The following ZIK1 variants were observed in gnomAD, a reference collection of about 807,000 sequenced individuals.
The protein encoded by ZIK1 is zinc finger protein interacting with K protein 1, also known as zinc finger protein interacting with ribonucleoprotein K.
ZIK1 carries 12 observed loss-of-function variants against 10.7 expected under a neutral mutation model. The ratio of observed to expected loss-of-function variants is 1.12; its 90% confidence interval spans 0.72 to 1.81. The LOEUF (loss-of-function observed/expected upper bound fraction) is 1.81, where lower values mean the gene tolerates loss of function less well. ZIK1 is among the 40% of genes most tolerant of loss of function. The pLI is 0.00. For synonymous variants in ZIK1, 190 were observed against 205.0 expected (o/e 0.93, Z 0.63); for missense variants, 497 against 585.7 (o/e 0.85, Z 1.56).
intron 1 of ZIK1, 52 bp from the exon 2 acceptor site, chr19:57,584,900 C>T: frequency 6.3e-7 from 1 of 1,593,512 alleles, no homozygotes; most frequent in African/African-American, 1.3e-5. Flanking sequence ...AAGCCTGAAT[C>T]CGTAGAGCCC....
chr19:57,591,887 T>G lies in ZIK1; in HGVS notation c.*612T>G, dbSNP rs908188051. ...GGGTGGCTGGGAGACAGACTTCAACTCTATATGAAGGAATGGATGGCTTTT... is the reference window on the plus strand; with the variant it reads ...GGGTGGCTGGGAGACAGACTTCAACGCTATATGAAGGAATGGATGGCTTTT... On this transcript the variant is annotated 3_prime_UTR_variant, in exon 4 of 4. Coordinates refer to ENST00000597850, the MANE Select transcript of ZIK1 (RefSeq NM_001010879.4). The G allele has an allele frequency of 5.9e-5, 9 of 152,370 alleles. No individual in the cohort carries two copies. The highest frequency in any genetic ancestry group is 4.4e-5 in the Non-Finnish European group (3 of 68,204). 9.4% of individuals were successfully genotyped at this position (152,370 alleles called of 1,614,324 possible).
intron 3 of ZIK1, 148 bp from the exon 4 acceptor site, chr19:57,589,863 A>G: frequency 8.9e-7 from 1 of 1,122,772 alleles, no homozygotes; most frequent in South Asian, 1.7e-5. Flanking sequence ...GAGATCCAGT[A>G]TTGCAAAGCA....
Position 57,584,241 on chromosome 19 carries a change from T to G in ZIK1, c.-116T>G. The G allele has an allele frequency of 6.9e-7, 1 of 1,451,486 alleles. No homozygotes were observed. The highest frequency in any genetic ancestry group is 9.1e-7 in the Non-Finnish European group (1 of 1,097,010). The allele number at this position is 1,451,486 out of a possible 1,614,324, so 89.9% of individuals were successfully genotyped here. ...CAGTCGGAAGGCGCGAGGGGAGGGG[T>G]CCTCCCGCTGAACAGTGGGGGTTCT... On this transcript the variant is annotated 5_prime_UTR_variant, in exon 1 of 4. Transcript: ENST00000597850.
rs1425103350 is a variant in ZIK1 at position 57,592,544 on chromosome 19, C to A, written c.*1269C>A. ...GGCAGAAAAAGGAGGATAAAGATAA[C>A]AGAAGTCCTATAGGCCAGGGATGTA... On this transcript the variant is annotated 3_prime_UTR_variant, in exon 4 of 4. Coordinates refer to ENST00000597850, the MANE Select transcript of ZIK1 (RefSeq NM_001010879.4). 1.3e-5 allele frequency: 2 copies of A among 152,202 alleles called. No homozygotes were observed. The highest frequency in any genetic ancestry group is 2.9e-5 in the Non-Finnish European group (2 of 68,042). 9.4% of individuals were successfully genotyped at this position (152,202 alleles called of 1,614,324 possible). A position where few individuals can be genotyped will look rare whatever the true frequency, so the allele number is the denominator to read the frequency against.
chr19:57,585,802 G>A (rs370222980), intron 2 of ZIK1, among the ~76,000 whole-genome samples: 2 of 152,066 alleles, frequency 1.3e-5, no homozygotes, highest in Admixed American at 6.5e-5. Context: ...TCCACCTCCC[G>A]GGTTCAAGCA....
At position 57,584,281 on chromosome 19, in the gene ZIK1, G is replaced by A. The variant is rs1304465153; in HGVS notation, c.-76G>A. ...GTGGGGGTTCTAAGGGTCGGCGGCGGCGGGGTTGACGGCTTTGCCTAGGTC... is the reference window on the plus strand; with the variant it reads ...GTGGGGGTTCTAAGGGTCGGCGGCGACGGGGTTGACGGCTTTGCCTAGGTC... On this transcript the variant is annotated 5_prime_UTR_variant, in exon 1 of 4. Transcript: ENST00000597850. 6.6e-7 allele frequency: 1 copy of A among 1,524,242 alleles called. No individual in the cohort carries two copies. Among genetic ancestry groups the A allele is most frequent in the Non-Finnish European group, 8.8e-7 (1 of 1,133,282 alleles). 94.4% of individuals were successfully genotyped at this position (1,524,242 alleles called of 1,614,324 possible).
At chr19:57,589,937 T>C in intron 3 of ZIK1, 74 bp from the exon 4 acceptor site, 1 of 1,496,234 alleles carries the variant, frequency 6.7e-7, no homozygotes, top group Non-Finnish European at 9.0e-7. Flanking sequence ...ATCATTCGTT[T>C]GGTATGTGTG....
At position 57,584,950 on chromosome 19, in the gene ZIK1, A is replaced by G. The variant is rs1327284890; in HGVS notation, c.34-2A>G. The G allele has an allele frequency of 1.9e-6, 3 of 1,613,822 alleles. No homozygotes were observed. Among genetic ancestry groups the G allele is most frequent in the Non-Finnish European group, 2.5e-6 (3 of 1,179,894 alleles). Reference sequence around the variant, plus strand: ...CCTTTCATGATCTTTGGCTTTCCACAGGTTACTGTGTCTCCAGAAACACAT... The same window carrying G: ...CCTTTCATGATCTTTGGCTTTCCACGGGTTACTGTGTCTCCAGAAACACAT... On this transcript the variant is annotated splice_acceptor_variant, in intron 1 of 3. Transcript: ENST00000597850. LOFTEE classifies it high-confidence loss of function.
In ZIK1 at chr19:57,591,429, C is replaced by A. The variant is rs1276365976; in HGVS notation, c.*154C>A. ...GCAGTAGAGAGCCTTTGTGAGGGAGCCATCTGCCTGAAGTTGAACCTCATT... is the reference window on the plus strand; with the variant it reads ...GCAGTAGAGAGCCTTTGTGAGGGAGACATCTGCCTGAAGTTGAACCTCATT... On this transcript the variant is annotated 3_prime_UTR_variant, in exon 4 of 4. Coordinates refer to ENST00000597850, the MANE Select transcript of ZIK1 (RefSeq NM_001010879.4). 4.1e-6 allele frequency: 3 copies of A among 739,888 alleles called. No individual in the cohort carries two copies. Among genetic ancestry groups the A allele is most frequent in the Non-Finnish European group, 6.4e-6 (3 of 467,756 alleles). 45.8% of individuals were successfully genotyped at this position (739,888 alleles called of 1,614,324 possible). A position where few individuals can be genotyped will look rare whatever the true frequency, so the allele number is the denominator to read the frequency against.
rs759285555 is a variant in ZIK1, at chr19:57,591,212, A to T, written c.1401A>T (p.Lys467Asn). The stretch of plus-strand genomic sequence containing the variant: ...GAGAAAGGCCTTATGAGTGCAACAA[A>T]TGTGGGAATTCCTTTAGCCAATGCT... ...HTGERPYECN[K>N]CGNSFSQCSS... Residue 467 changes from lysine to asparagine, a missense_variant, in exon 4 of 4, where the codon AAA becomes AAT. By Grantham distance (94) the Lys-to-Asn change is moderately conservative. Coordinates refer to ENST00000597850, the MANE Select transcript of ZIK1 (RefSeq NM_001010879.4). 1.2e-6 allele frequency: 2 copies of T among 1,614,196 alleles called. No individual in the cohort carries two copies.
At chr19:57,584,716 C>T (rs1191385381) in intron 1 of ZIK1, 2 of 1,170,616 alleles carry the variant, frequency 1.7e-6, no homozygotes, top group African/African-American at 1.6e-5. Flanking sequence ...TTCCAAAAAC[C>T]TCATGGAGTT....
chr19:57,585,883 A>ATTTT (rs59607792), intron 2 of ZIK1, among the ~76,000 whole-genome samples: 4 of 130,122 alleles, frequency 3.1e-5, no homozygotes, highest in South Asian at 2.5e-4. Context: ...TGCCCAGCGA[A>ATTTT]TTTTTTTTTT....
chr19:57,589,250 G>A (rs909190265), intron 3 of ZIK1: 1 of 985,134 alleles, frequency 1.0e-6, no homozygotes, highest in African/African-American at 1.7e-5. Context: ...GCTTTATAGG[G>A]TGAACATGGT....
At position 57,584,240 on chromosome 19, in the gene ZIK1, G is replaced by A; in HGVS notation, c.-117G>A. 1 of 1,457,072 alleles carries A rather than the reference G, an allele frequency of 6.9e-7. No homozygotes were observed. The allele number at this position is 1,457,072 out of a possible 1,614,324, so 90.3% of individuals were successfully genotyped here. A position where few individuals can be genotyped will look rare whatever the true frequency, so the allele number is the denominator to read the frequency against. ...ACAGTCGGAAGGCGCGAGGGGAGGG[G>A]TCCTCCCGCTGAACAGTGGGGGTTC... On this transcript the variant is annotated 5_prime_UTR_variant, in exon 1 of 4. Coordinates refer to ENST00000597850, the MANE Select transcript of ZIK1 (RefSeq NM_001010879.4).
At chr19:57,584,501 C>T (rs1004241981) in intron 1 of ZIK1, 112 bp downstream of exon 1, 49 of 1,439,384 alleles carry the variant, frequency 3.4e-5, no homozygotes, top group Non-Finnish European at 4.6e-6. Flanking sequence ...GGGTGGGGTC[C>T]CTATTTCCAG....
chr19:57,584,474 GT>G, intron 1 of ZIK1, 85 bp downstream of exon 1: 1 of 1,502,854 alleles, frequency 6.7e-7, no homozygotes, highest in Non-Finnish European at 8.9e-7. Context: ...CTCATGTCCA[GT>G]ACAGTGGGGG....
chr19:57,590,867 G>A lies in ZIK1; in HGVS notation c.1056G>A (p.Lys352=), dbSNP rs1979627918. The change falls in exon 4 of 4, where the codon AAG becomes AAA. Residue 352 remains lysine (K), a synonymous_variant. Coordinates refer to ENST00000597850, the MANE Select transcript of ZIK1 (RefSeq NM_001010879.4). ...TTCACACTGGAGAAAGGCCTTATAAGTGTGGTGAATGTGGGAATTCCTTTA... is the reference window on the plus strand; with the variant it reads ...TTCACACTGGAGAAAGGCCTTATAAATGTGGTGAATGTGGGAATTCCTTTA... ...QRVHTGERPY[K]CGECGNSFSQ... 1 of 1,614,094 alleles carries A rather than the reference G, an allele frequency of 6.2e-7. No homozygotes were observed. Among genetic ancestry groups the A allele is most frequent in the Non-Finnish European group, 8.5e-7 (1 of 1,180,008 alleles).
chr19:57,589,602 C>A, intron 3 of ZIK1: 1 of 985,300 alleles, frequency 1.0e-6, no homozygotes. Flanking sequence ...GATCATATCA[C>A]TTGCTACTCA....
intron 2 of ZIK1, among the ~76,000 whole-genome samples, chr19:57,588,287 T>C (rs1231326200): frequency 1.3e-5 from 2 of 152,104 alleles, no homozygotes; most frequent in East Asian, 3.9e-4. Flanking sequence ...AGGCACTATC[T>C]GAAAGACCCT....
Sources: allele counts gnomAD v4.1 joint callset (sites outside exome capture counted in the v4.1 genomes callset), GRCh38; gene constraint gnomAD v4.1.1; transcripts MANE v1.5; gene names NCBI Gene and HGNC (gene_info 2026-07-23, HGNC 2026-07-21).